Variants in PHF2 observed in about 807,000 individuals in gnomAD.
PHF2 encodes PHD finger protein 2.
Under a neutral mutation model 120.5 loss-of-function variants are expected in PHF2, and 27 were observed. The observed-to-expected ratio is 0.22, with a 90% CI of 0.17 to 0.31. The LOEUF (loss-of-function observed/expected upper bound fraction) is 0.31, where lower values mean the gene tolerates loss of function less well. Ranked by LOEUF, PHF2 falls within the 10% of genes least tolerant of loss-of-function variation. PHF2 has a pLI of 1.00. For missense variants in PHF2, 1,024 were observed against 1,434.8 expected (o/e 0.71, Z 4.63); for synonymous variants, 568 against 592.5 (o/e 0.96, Z 0.60).
intron 16 of PHF2, 46 bp downstream of exon 16, chr9:93,666,106 G>A: frequency 6.3e-7 from 1 of 1,589,060 alleles, no homozygotes; most frequent in African/African-American, 1.3e-5. Flanking sequence ...GGCATCTCTG[G>A]GCAGTCCCCA....
At chr9:93,650,135 C>A (rs932085866) in intron 5 of PHF2, among the ~76,000 whole-genome samples, 10 of 109,694 alleles carry the variant, frequency 9.1e-5, no homozygotes, top group African/African-American at 1.5e-4. Flanking sequence ...TTAGCACTCA[C>A]CAACACGGTA....
At chr9:93,623,245 G>A (rs1337134371) in intron 1 of PHF2, among the ~76,000 whole-genome samples, 2 of 152,294 alleles carry the variant, frequency 1.3e-5, no homozygotes, top group African/African-American at 4.8e-5. Context: ...CCAGCTCCAG[G>A]GCAATATATT....
chr9:93,650,682 C>G (rs567374143), intron 5 of PHF2, among the ~76,000 whole-genome samples: 1 of 152,198 alleles, frequency 6.6e-6, no homozygotes, highest in Non-Finnish European at 1.5e-5. Context: ...TGTTCTCCCC[C>G]CAGGCTGTCA....
intron 1 of PHF2, among the ~76,000 whole-genome samples, chr9:93,607,043 C>T (rs1486778524): frequency 1.3e-5 from 2 of 152,072 alleles, no homozygotes; most frequent in Non-Finnish European, 2.9e-5. Context: ...TGTATTCTGT[C>T]CCATTAATCT....
intron 1 of PHF2, among the ~76,000 whole-genome samples, chr9:93,588,609 G>T (rs1301600122): frequency 6.6e-6 from 1 of 152,108 alleles, no homozygotes; most frequent in Non-Finnish European, 1.5e-5. Flanking sequence ...AACACTTTAT[G>T]GGCTGGGCAC....
At position 93,655,147 on chromosome 9, in the gene PHF2, C is replaced by T. The variant is rs552267490; in HGVS notation, c.952+572C>T. ...ATATTCCACTATTTCTGAAGGGCTT[C>T]CTTTCCTTCTAAGTAACATAGCTGT... On this transcript the variant is annotated intron_variant, in intron 7 of 21. Transcript: ENST00000359246. Among the ~76,000 whole-genome samples, 124 of 152,292 alleles carry T rather than the reference C, an allele frequency of 8.1e-4. 1 individual carries two copies. Among genetic ancestry groups the T allele is most frequent in the Middle Eastern group, 6.8e-3 (2 of 294 alleles).
intron 5 of PHF2, among the ~76,000 whole-genome samples, chr9:93,651,055 C>G (rs1826360826): frequency 6.7e-6 from 1 of 148,750 alleles, no homozygotes; most frequent in Non-Finnish European, 1.5e-5. Flanking sequence ...AGTTTGCAAC[C>G]AGCCTGGGCA....
At chr9:93,614,868 GGTGACA>G (rs1825696505) in intron 1 of PHF2, among the ~76,000 whole-genome samples, 1 of 75,548 alleles carries the variant, frequency 1.3e-5, no homozygotes, top group Non-Finnish European at 3.6e-5. Context: ...TGGTGATGAT[GGTGACA>G]GTGATGGTGA....
At chr9:93,667,756 C>T (rs1179662015) in intron 17 of PHF2, among the ~76,000 whole-genome samples, 2 of 152,202 alleles carry the variant, frequency 1.3e-5, no homozygotes. Context: ...GAGGCAGGCC[C>T]AGAATTTCCA....
intron 4 of PHF2, among the ~76,000 whole-genome samples, chr9:93,647,337 G>A (rs1039657580): frequency 6.6e-6 from 1 of 152,216 alleles, no homozygotes; most frequent in Non-Finnish European, 1.5e-5. Context: ...ACCTAATCAT[G>A]CGGGTGGGGC....
At chr9:93,653,643 G>A (rs995370933) in intron 6 of PHF2, among the ~76,000 whole-genome samples, 1 of 152,224 alleles carries the variant, frequency 6.6e-6, no homozygotes. Flanking sequence ...GCACTTAGAG[G>A]AGAAAGGGGA....
chr9:93,623,072 G>A (rs575986071), intron 1 of PHF2, among the ~76,000 whole-genome samples: 5 of 152,314 alleles, frequency 3.3e-5, no homozygotes, highest in African/African-American at 1.2e-4. Flanking sequence ...GCAGCCAGGG[G>A]CCAGGTGAGG....
chr9:93,634,829 CTG>C (rs1199581627), intron 2 of PHF2, among the ~76,000 whole-genome samples: 3 of 152,228 alleles, frequency 2.0e-5, no homozygotes, highest in South Asian at 4.1e-4. Context: ...CCAAGCCAGC[CTG>C]TGAGTGTGTT....
At chr9:93,602,672 G>A (rs762825350) in intron 1 of PHF2, among the ~76,000 whole-genome samples, 3 of 152,006 alleles carry the variant, frequency 2.0e-5, no homozygotes, top group East Asian at 3.9e-4. Context: ...GGTCCTAGCT[G>A]TATGGACATC....
chr9:93,673,932 G>A (rs1826857884), intron 18 of PHF2, 70 bp downstream of exon 18: 1 of 1,462,314 alleles, frequency 6.8e-7, no homozygotes, highest in Non-Finnish European at 9.2e-7. Flanking sequence ...AATGGAGACA[G>A]TAGCATAAAC....
chr9:93,669,884 C>CT (rs1826750832), intron 17 of PHF2, among the ~76,000 whole-genome samples: 1 of 152,208 alleles, frequency 6.6e-6, no homozygotes, highest in African/African-American at 2.4e-5. Flanking sequence ...GCCTCAGTCT[C>CT]TGTGTCTGGT....
At chr9:93,596,746 CG>C (rs528710538) in intron 1 of PHF2, among the ~76,000 whole-genome samples, 9 of 30,838 alleles carry the variant, frequency 2.9e-4, no homozygotes, top group Admixed American at 7.8e-4. Context: ...GTGTTTCTGC[CG>C]TTTTTTTTTT....
At chr9:93,651,594 G>A (rs976996002) in intron 5 of PHF2, among the ~76,000 whole-genome samples, 3 of 152,248 alleles carry the variant, frequency 2.0e-5, no homozygotes, top group Admixed American at 6.5e-5. Context: ...GCTGCCTCAG[G>A]GGGGCCCACA....
intron 5 of PHF2, among the ~76,000 whole-genome samples, chr9:93,650,458 G>A (rs1187599333): frequency 6.6e-6 from 1 of 152,158 alleles, no homozygotes; most frequent in Non-Finnish European, 1.5e-5. Context: ...ATGAGATCCT[G>A]CAGGGGCGGC....
Sources: allele counts gnomAD v4.1 joint callset (sites outside exome capture counted in the v4.1 genomes callset), GRCh38; gene constraint gnomAD v4.1.1; transcripts MANE v1.5; gene names NCBI Gene and HGNC (gene_info 2026-07-23, HGNC 2026-07-21).